SP100: variants seen among roughly 807,000 people sequenced by gnomAD.
The protein encoded by SP100 is SP100 nuclear body protein, also known as nuclear autoantigen Sp-100.
Under a neutral mutation model 130.0 loss-of-function variants are expected in SP100, and 84 were observed. The observed-to-expected ratio is 0.65, with a 90% CI of 0.54 to 0.77. The LOEUF (loss-of-function observed/expected upper bound fraction) is 0.77. Among genes scored for constraint, SP100 ranks in the 30% least tolerant of loss-of-function variants. SP100 has a pLI of 0.00. For missense variants in SP100, 978 were observed against 1,052.2 expected (o/e 0.93, Z 0.97); for synonymous variants, 331 against 351.7 (o/e 0.94, Z 0.66).
chr2:230,455,228 A>T (rs1050606201), intron 8 of SP100, among the ~76,000 whole-genome samples: 4 of 151,838 alleles, frequency 2.6e-5, no homozygotes, highest in African/African-American at 9.7e-5. Context: ...CATCTGACTA[A>T]TTTTTTTTAG....
chr2:230,488,387 TTTTG>T (rs988365336), intron 17 of SP100, among the ~76,000 whole-genome samples: 2 of 152,134 alleles, frequency 1.3e-5, no homozygotes, highest in African/African-American at 2.4e-5. Flanking sequence ...TGAGAGTTTT[TTTTG>T]TTTGTTTGGG....
chr2:230,519,278 A>G (rs1691059431), intron 24 of SP100, among the ~76,000 whole-genome samples: 1 of 152,200 alleles, frequency 6.6e-6, no homozygotes, highest in Admixed American at 6.6e-5. Flanking sequence ...GTGGTTGAAT[A>G]TGTTTTACCA....
At chr2:230,427,343 G>A (rs538429998) in intron 2 of SP100, among the ~76,000 whole-genome samples, 97 of 152,142 alleles carry the variant, frequency 6.4e-4, no homozygotes, top group Admixed American at 1.2e-3. Context: ...TATATTTTTA[G>A]TAGAGACGGG....
chr2:230,455,291 T>C (rs2064217386), intron 8 of SP100, among the ~76,000 whole-genome samples: 1 of 152,182 alleles, frequency 6.6e-6, no homozygotes, highest in South Asian at 2.1e-4. Context: ...CTCAAACTTC[T>C]GGGCTCAAGC....
intron 24 of SP100, among the ~76,000 whole-genome samples, chr2:230,521,219 G>A (rs533623396): frequency 1.3e-5 from 2 of 152,262 alleles, no homozygotes; most frequent in African/African-American, 4.8e-5. Flanking sequence ...CTGTCCCATA[G>A]AACTGATCTT....
At chr2:230,468,278 A>C (rs1452523735) in intron 13 of SP100, among the ~76,000 whole-genome samples, 1 of 152,232 alleles carries the variant, frequency 6.6e-6, no homozygotes, top group Non-Finnish European at 1.5e-5. Flanking sequence ...AAAGTTCAAA[A>C]AATGTTTTAT....
intron 5 of SP100, 46 bp from the exon 6 acceptor site, chr2:230,449,042 T>A: frequency 8.0e-7 from 1 of 1,250,890 alleles, no homozygotes; most frequent in East Asian, 2.3e-5. Context: ...AATGGCAAAA[T>A]CCATACCTCG....
intron 2 of SP100, among the ~76,000 whole-genome samples, chr2:230,427,179 T>C (rs2062957622): frequency 6.6e-6 from 1 of 152,108 alleles, no homozygotes; most frequent in South Asian, 2.1e-4. Context: ...TTTTTTTTCC[T>C]TTGGCAGAGT....
intron 7 of SP100, 93 bp from the exon 8 acceptor site, chr2:230,450,079 G>A: frequency 1.2e-6 from 1 of 843,664 alleles, no homozygotes; most frequent in Non-Finnish European, 2.0e-6. Flanking sequence ...AGAAACAGGA[G>A]AAGAAAGGAG....
intron 9 of SP100, 151 bp from the exon 10 acceptor site, chr2:230,462,284 C>CTGCA: frequency 3.5e-6 from 2 of 575,862 alleles, no homozygotes; most frequent in South Asian, 4.5e-5. Flanking sequence ...TTGGAACAAA[C>CTGCA]TGCAGGTGGC....
At chr2:230,512,979 G>C (rs1690706699) in intron 24 of SP100, among the ~76,000 whole-genome samples, 1 of 152,202 alleles carries the variant, frequency 6.6e-6, no homozygotes, top group Non-Finnish European at 1.5e-5. Flanking sequence ...ATTTAATGCT[G>C]CTGCTGATCT....
chr2:230,421,672 T>C (rs1200099825), intron 2 of SP100, among the ~76,000 whole-genome samples: 1 of 152,146 alleles, frequency 6.6e-6, no homozygotes, highest in East Asian at 1.9e-4. Context: ...TTTAGTTCAC[T>C]GTCTTGCAAC....
intron 24 of SP100, among the ~76,000 whole-genome samples, chr2:230,527,735 G>A (rs1048225963): frequency 2.0e-5 from 3 of 152,066 alleles, no homozygotes; most frequent in Admixed American, 6.5e-5. Flanking sequence ...GAAGATCTAC[G>A]AAGCAAATGG....
At chr2:230,428,108 G>A (rs543291409) in intron 2 of SP100, among the ~76,000 whole-genome samples, 8 of 152,128 alleles carry the variant, frequency 5.3e-5, no homozygotes, top group Non-Finnish European at 1.0e-4. Context: ...GCATGTGCCT[G>A]TAGTCCCAGC....
At chr2:230,440,868 T>C (rs1306390335) in intron 2 of SP100, among the ~76,000 whole-genome samples, 1 of 152,148 alleles carries the variant, frequency 6.6e-6, no homozygotes, top group Non-Finnish European at 1.5e-5. Flanking sequence ...AAACCCATGC[T>C]AATATTGTAA....
In SP100 at chr2:230,444,326, T is replaced by C. The variant is rs762933613; in HGVS notation, c.419T>C (p.Ile140Thr). The C allele has an allele frequency of 1.2e-6, 2 of 1,606,644 alleles. No homozygotes were observed. Among genetic ancestry groups the C allele is most frequent in the Non-Finnish European group, 8.5e-7 (1 of 1,178,216 alleles). ...NMQEYPDLIH[I>T]YKGFENVIHD... ...CAGGAATACCCCGATTTAATTCACA[T>C]TTATAAAGGCTTTGAAAATGGTAAT... The change falls in exon 4 of 29, where the codon ATT becomes ACT. Residue 140 changes from isoleucine to threonine, a missense_variant. Transcript: ENST00000340126.
At chr2:230,452,183 T>C (rs1379867012) in intron 8 of SP100, among the ~76,000 whole-genome samples, 2 of 152,028 alleles carry the variant, frequency 1.3e-5, no homozygotes, top group Non-Finnish European at 2.9e-5. Flanking sequence ...CATTTGAATT[T>C]TTTTTTTTTT....
At chr2:230,457,357 C>T (rs1213302671) in intron 8 of SP100, among the ~76,000 whole-genome samples, 1 of 152,222 alleles carries the variant, frequency 6.6e-6, no homozygotes, top group African/African-American at 2.4e-5. Flanking sequence ...TGGTCTGGAT[C>T]ATGGGTTCAC....
chr2:230,513,958 G>A (rs1559530117), intron 24 of SP100, among the ~76,000 whole-genome samples: 1 of 152,076 alleles, frequency 6.6e-6, no homozygotes, highest in African/African-American at 2.4e-5. Flanking sequence ...AAACACAATA[G>A]AAAAAAGAAA....
Sources: gnomAD v4.1 joint callset for allele counts (sites outside exome capture counted in the v4.1 genomes callset) on GRCh38, gnomAD v4.1.1 for gene constraint, MANE v1.5 for transcripts, NCBI Gene and HGNC (gene_info 2026-07-23, HGNC 2026-07-21) for gene names.